The following KDM4C variants were observed in gnomAD, a reference collection of about 807,000 sequenced individuals.
The protein encoded by KDM4C is lysine-specific demethylase 4C.
In KDM4C, 81 loss-of-function variants were observed where a neutral mutation model predicts 129.3. That is an observed-to-expected ratio of 0.63 (90% CI 0.52 to 0.75). The LOEUF (loss-of-function observed/expected upper bound fraction) is 0.75, where lower values mean the gene tolerates loss of function less well. Ranked by LOEUF, KDM4C falls within the 30% of genes least tolerant of loss-of-function variation. The pLI is 0.00. For missense variants in KDM4C, 1,457 were observed against 1,304.0 expected (o/e 1.12, Z -1.81); for synonymous variants, 573 against 456.1 (o/e 1.26, Z -3.26).
chr9:6,824,098 A>G (rs780772126), intron 4 of KDM4C, among the ~76,000 whole-genome samples: 5 of 152,256 alleles, frequency 3.3e-5, no homozygotes, highest in Non-Finnish European at 5.9e-5. Context: ...GGACACCATC[A>G]TAGAGAGTCT....
intron 17 of KDM4C, among the ~76,000 whole-genome samples, chr9:7,087,614 C>G (rs1446861938): frequency 2.0e-5 from 3 of 152,004 alleles, no homozygotes; most frequent in East Asian, 1.9e-4. Flanking sequence ...AAAAGAGTTT[C>G]AGGCATAAAA....
At position 6,752,055 on chromosome 9, in the gene KDM4C, C is replaced by T. The variant is rs1196098770; in HGVS notation, c.49+31058C>T. Reference sequence around the variant, plus strand: ...TGAGTTAAAAATTAAGGAGGATGGCCGGGCGCGGTGGCTCACGCCTGTAAT... The same window carrying T: ...TGAGTTAAAAATTAAGGAGGATGGCTGGGCGCGGTGGCTCACGCCTGTAAT... On this transcript the variant is annotated intron_variant, in intron 1 of 17. Coordinates refer to the KDM4C transcript ENST00000536108. Among the ~76,000 whole-genome samples, 10 of 150,538 alleles carry T rather than the reference C, an allele frequency of 6.6e-5. 1 individual carries two copies. Among genetic ancestry groups the T allele is most frequent in the Admixed American group, 2.6e-4 (4 of 15,154 alleles).
At chr9:7,005,622 AT>A (rs1821528373) in intron 12 of KDM4C, among the ~76,000 whole-genome samples, 1 of 151,908 alleles carries the variant, frequency 6.6e-6, no homozygotes, top group Admixed American at 6.6e-5. Context: ...TATAACTAAA[AT>A]TTTTCCCACC....
intron 8 of KDM4C, among the ~76,000 whole-genome samples, chr9:6,954,452 C>A (rs563704899): frequency 7.2e-5 from 11 of 152,212 alleles, no homozygotes; most frequent in African/African-American, 2.2e-4. Flanking sequence ...ATTTTATTGA[C>A]AATGAACTAT....
chr9:7,144,579 G>A (rs563448281), intron 19 of KDM4C, among the ~76,000 whole-genome samples: 1 of 152,360 alleles, frequency 6.6e-6, no homozygotes, highest in African/African-American at 2.4e-5. Context: ...AACAGCCATA[G>A]GTGATCTCTA....
intron 8 of KDM4C, among the ~76,000 whole-genome samples, chr9:6,916,128 A>G (rs565096044): frequency 1.1e-4 from 17 of 152,222 alleles, no homozygotes; most frequent in Admixed American, 2.6e-4. Context: ...TGGGGGCTAG[A>G]TGTGGTAAGG....
At chr9:7,143,076 C>A (rs372054468) in intron 19 of KDM4C, among the ~76,000 whole-genome samples, 1 of 152,216 alleles carries the variant, frequency 6.6e-6, no homozygotes, top group Non-Finnish European at 1.5e-5. Flanking sequence ...CCACTCCCTC[C>A]CCTCCCAGCT....
At chr9:7,086,312 G>C (rs749897017) in intron 17 of KDM4C, among the ~76,000 whole-genome samples, 8 of 152,140 alleles carry the variant, frequency 5.3e-5, no homozygotes, top group Non-Finnish European at 1.2e-4. Flanking sequence ...CAGCATTTTT[G>C]TGTGTCCCCT....
chr9:7,019,891 CAG>C (rs1824472423), intron 15 of KDM4C, among the ~76,000 whole-genome samples: 1 of 151,282 alleles, frequency 6.6e-6, no homozygotes, highest in Non-Finnish European at 1.5e-5. Flanking sequence ...CTGGGCAAAA[CAG>C]AAAGTGGAGG....
chr9:6,983,509 G>A (rs1352015058), intron 9 of KDM4C, among the ~76,000 whole-genome samples: 1 of 151,662 alleles, frequency 6.6e-6, no homozygotes, highest in Non-Finnish European at 1.5e-5. Flanking sequence ...GGCAGTGGGG[G>A]AGGATCACTT....
intron 17 of KDM4C, among the ~76,000 whole-genome samples, chr9:7,064,547 G>A (rs1832152658): frequency 6.6e-6 from 1 of 152,182 alleles, no homozygotes. Flanking sequence ...ACGTTATGGA[G>A]CACGACAGAA....
intron 12 of KDM4C, among the ~76,000 whole-genome samples, chr9:7,003,519 G>A (rs1403597683): frequency 6.6e-6 from 1 of 151,006 alleles, no homozygotes; most frequent in East Asian, 2.0e-4. Flanking sequence ...CATTTGGAAT[G>A]TATCCTTCTG....
At chr9:6,754,782 G>A (rs930971207), upstream of KDM4C, among the ~76,000 whole-genome samples, 1 of 150,242 alleles carries the variant, frequency 6.7e-6, no homozygotes, top group African/African-American at 2.5e-5. Context: ...AGGCTGAGGT[G>A]GGAGGACTGC....
Position 7,164,357 on chromosome 9 carries a change from AC to A in KDM4C, c.2782-880del, listed in dbSNP as rs1212777486. On this transcript the variant is annotated intron_variant, in intron 19 of 21. Coordinates refer to ENST00000381309, the MANE Select transcript of KDM4C (RefSeq NM_015061.6). ...TGTCCCCCTGCCACGCCTTAAAAAAACAAAAAGCACCTTTCAGGATTAATCA... is the reference window on the plus strand; with the variant it reads ...TGTCCCCCTGCCACGCCTTAAAAAAAAAAAAGCACCTTTCAGGATTAATCA... Among the ~76,000 whole-genome samples, 3 of 151,968 alleles carry A rather than the reference AC, an allele frequency of 2.0e-5. No homozygotes were observed. The East Asian group carries it at 5.8e-4, about 29-fold the overall frequency.
intron 1 of KDM4C, among the ~76,000 whole-genome samples, chr9:6,785,845 A>T (rs1825371821): frequency 6.6e-6 from 1 of 152,200 alleles, no homozygotes; most frequent in Non-Finnish European, 1.5e-5. Flanking sequence ...TGCAGAGCAG[A>T]AGCTTGCTTG....
In KDM4C at chr9:6,813,029, G is replaced by A. The variant is rs1240525763; in HGVS notation, c.321-1602G>A. Among the ~76,000 whole-genome samples the A allele has an allele frequency of 4.6e-5, 7 of 152,032 alleles. No individual in the cohort carries two copies. In the East Asian group the frequency reaches 7.8e-4, roughly 17 times the overall value. Reference sequence around the variant, plus strand: ...CGTCTCTACTAAAAATACAAAATTAGCCAGGCATGGTGGTGCATGCTTGTA... The same window carrying A: ...CGTCTCTACTAAAAATACAAAATTAACCAGGCATGGTGGTGCATGCTTGTA... On this transcript the variant is annotated intron_variant, in intron 3 of 21. Transcript: ENST00000381309.
chr9:7,075,168 C>T (rs540993199), intron 17 of KDM4C, among the ~76,000 whole-genome samples: 14 of 152,298 alleles, frequency 9.2e-5, no homozygotes, highest in Admixed American at 8.5e-4. Flanking sequence ...GTGTTTTGTT[C>T]AGCATCCCCC....
intron 17 of KDM4C, among the ~76,000 whole-genome samples, chr9:7,091,926 G>A (rs1427062275): frequency 6.6e-6 from 1 of 152,196 alleles, no homozygotes; most frequent in African/African-American, 2.4e-5. Flanking sequence ...CTCAGCACAT[G>A]CTTCTCTGCG....
At chr9:7,089,515 C>CT (rs1331368017) in intron 17 of KDM4C, among the ~76,000 whole-genome samples, 2 of 152,140 alleles carry the variant, frequency 1.3e-5, no homozygotes, top group African/African-American at 4.8e-5. Context: ...TTTAATGAGT[C>CT]TTTGGGGGAA....
Sources: allele counts gnomAD v4.1 joint callset (sites outside exome capture counted in the v4.1 genomes callset), GRCh38; gene constraint gnomAD v4.1.1; transcripts MANE v1.5; gene names NCBI Gene and HGNC (gene_info 2026-07-23, HGNC 2026-07-21).